Variants in PIK3CA observed in about 807,000 individuals in gnomAD.
The protein encoded by PIK3CA is phosphatidylinositol-4,5-bisphosphate 3-kinase catalytic subunit alpha.
Under a neutral mutation model 138.2 loss-of-function variants are expected in PIK3CA, and 27 were observed. The ratio of observed to expected loss-of-function variants is 0.20; its 90% CI spans 0.14 to 0.27. The LOEUF is 0.27. PIK3CA is among the 10% of genes least tolerant of loss of function. The probability of loss-of-function intolerance (pLI) is 1.00; values close to 1 mark genes in which losing one functional copy is unlikely to be tolerated. For synonymous variants in PIK3CA, 358 were observed against 413.2 expected, an observed-to-expected ratio of 0.87 and a Z score of 1.62; for missense variants, 544 against 1,277.4, an observed-to-expected ratio of 0.43 and a Z score of 8.75.
chr3:179,190,998 G>A (rs1481085223), intron 1 of PIK3CA, among the ~76,000 whole-genome samples: 1 of 152,190 alleles, frequency 6.6e-6, no homozygotes, highest in African/African-American at 2.4e-5. Context: ...TATGGGCCTG[G>A]TGTCTTGGGT....
At chr3:179,188,003 A>T (rs1724036522) in intron 1 of PIK3CA, among the ~76,000 whole-genome samples, 1 of 152,184 alleles carries the variant, frequency 6.6e-6, no homozygotes, top group Non-Finnish European at 1.5e-5. Context: ...GCAAATAAGG[A>T]AACTGCCTTC....
In PIK3CA at chr3:179,199,036, G is replaced by T. The variant is rs201269904; in HGVS notation, c.211G>T (p.Val71Leu). ...LLQDESSYIF[V>L]SVTQEAEREE... ...TCAAGATGAATCTTCTTACATTTTCGTAAGTGTTACTCAAGAAGCAGAAAG... is the reference window on the plus strand; with the variant it reads ...TCAAGATGAATCTTCTTACATTTTCTTAAGTGTTACTCAAGAAGCAGAAAG... The change falls in exon 2 of 21, where the codon GTA (valine) becomes TTA (leucine). Residue 71 changes from valine to leucine, a missense_variant. Coordinates refer to ENST00000263967, the MANE Select transcript of PIK3CA (RefSeq NM_006218.4). The T allele has an allele frequency of 1.9e-6, 3 of 1,613,448 alleles. No individual in the cohort carries two copies. The African/African-American group carries it at 4.0e-5, about 22-fold the overall frequency.
Position 179,224,143 on chromosome 3 carries a change from C to T in PIK3CA, c.2250C>T (p.Gly750=), listed in dbSNP as rs1315150807. 1.9e-6 allele frequency: 3 copies of T among 1,601,382 alleles called. No homozygotes were observed. Among genetic ancestry groups the T allele is most frequent in the Non-Finnish European group, 2.6e-6 (3 of 1,171,150 alleles). The change falls in exon 15 of 21, where the codon GGC becomes GGT. Residue 750 remains glycine, a synonymous_variant. Transcript: ENST00000263967. Reference sequence around the variant, plus strand: ...CAGATTTCATGGATGCTCTACAGGGCTTTCTGTCTCCTCTAAACCCTGCTC... The same window carrying T: ...CAGATTTCATGGATGCTCTACAGGGTTTTCTGTCTCCTCTAAACCCTGCTC... ...RRPDFMDALQ[G]FLSPLNPAHQ... is the part of the protein sequence containing the mutation.
At chr3:179,198,073 G>A (rs1724313160) in intron 1 of PIK3CA, among the ~76,000 whole-genome samples, 1 of 151,996 alleles carries the variant, frequency 6.6e-6, no homozygotes, top group Admixed American at 6.6e-5. Flanking sequence ...CATACTTCAA[G>A]GAAAATTCAT....
chr3:179,187,236 C>G (rs976195318), intron 1 of PIK3CA, among the ~76,000 whole-genome samples: 2 of 151,748 alleles, frequency 1.3e-5, no homozygotes, highest in African/African-American at 4.8e-5. Flanking sequence ...AACATTGATC[C>G]AGTAGATAAG....
chr3:179,206,760 C>G (rs1724571636), intron 6 of PIK3CA, among the ~76,000 whole-genome samples: 1 of 151,766 alleles, frequency 6.6e-6, no homozygotes, highest in Admixed American at 6.6e-5. Flanking sequence ...ACCAAAAATA[C>G]AAAAAATTAG....
At position 179,219,881 on chromosome 3, in the gene PIK3CA, C is replaced by T. The variant is rs1363090613; in HGVS notation, c.1912-68C>T. ...ATTACCAGTAATATCCACTTTCTTT[C>T]TGAAAAAATTTTCTTTAGATCGGCC... is the stretch of plus-strand genomic sequence containing the variant. On this transcript the variant is annotated intron_variant, in intron 12 of 20. Coordinates refer to ENST00000263967, the MANE Select transcript of PIK3CA (RefSeq NM_006218.4). The surrounding 1 kb of genome is among the most constrained non-coding windows in gnomAD (Gnocchi z 4.2). 14 of 1,582,078 alleles carry T rather than the reference C, an allele frequency of 8.8e-6. No individual in the cohort carries two copies. The highest frequency in any genetic ancestry group is 1.2e-5 in the Non-Finnish European group (14 of 1,169,434).
intron 1 of PIK3CA, among the ~76,000 whole-genome samples, chr3:179,150,015 G>GT (rs113847531): frequency 1.3e-3 from 189 of 145,738 alleles, no homozygotes; most frequent in Admixed American, 3.0e-3. Flanking sequence ...AGTTTTTGGT[G>GT]TTTTTTTTTT....
intron 6 of PIK3CA, among the ~76,000 whole-genome samples, chr3:179,206,871 A>T (rs1420189572): frequency 2.0e-5 from 3 of 151,318 alleles, no homozygotes; most frequent in Non-Finnish European, 4.4e-5. Context: ...GTGAGCCATG[A>T]TCGTACTACT....
rs1725286492 is a variant in PIK3CA, at chr3:179,234,397, G to A, written c.*33G>A. ...ACTGAGAAAATGAAAGCTCACTCTG[G>A]ATTCCACACTGCACTGTTAATAACT... On this transcript the variant is annotated 3_prime_UTR_variant, in exon 21 of 21. Transcript: ENST00000263967. The surrounding 1 kb of genome is among the most constrained non-coding windows in gnomAD (Gnocchi z 5.1). The A allele has an allele frequency of 1.9e-6, 3 of 1,566,430 alleles. No homozygotes were observed. The East Asian group carries it at 6.8e-5, about 35-fold the overall frequency.
chr3:179,200,396 G>A (rs1724380686), intron 3 of PIK3CA, among the ~76,000 whole-genome samples: 2 of 152,032 alleles, frequency 1.3e-5, no homozygotes, highest in South Asian at 4.2e-4. Flanking sequence ...CTAGAATTAA[G>A]GGAACAAGAA....
intron 9 of PIK3CA, among the ~76,000 whole-genome samples, chr3:179,212,773 T>C (rs1014643267): frequency 6.6e-6 from 1 of 152,148 alleles, no homozygotes; most frequent in Non-Finnish European, 1.5e-5. Context: ...TATCAGTAAA[T>C]ACAGTACAGT....
intron 14 of PIK3CA, among the ~76,000 whole-genome samples, chr3:179,223,713 A>G (rs757228429): frequency 6.6e-6 from 1 of 152,176 alleles, no homozygotes; most frequent in Admixed American, 6.6e-5. Flanking sequence ...CAACTCTGCT[A>G]TTCTCGTAAA....
intron 1 of PIK3CA, among the ~76,000 whole-genome samples, chr3:179,192,771 T>C (rs1433538507): frequency 6.6e-6 from 1 of 152,238 alleles, no homozygotes; most frequent in Non-Finnish European, 1.5e-5. Context: ...AAGCAAGTGG[T>C]GAGTTGGATT....
intron 1 of PIK3CA, among the ~76,000 whole-genome samples, chr3:179,169,584 A>G (rs564719847): frequency 6.6e-5 from 10 of 152,266 alleles, no homozygotes; most frequent in Admixed American, 5.2e-4. Flanking sequence ...GTCCTAATTA[A>G]GGTTCTGGGG....
rs1724945623 is a variant in PIK3CA at position 179,220,700 on chromosome 3, C to T, written c.2016-286C>T. ...CTCTTCATTTGATTATTTTTGTGCT[C>T]AATTTCCTTTTTTCATGTTTTTATA... On this transcript the variant is annotated intron_variant, in intron 13 of 20. Transcript: ENST00000263967. This position sits in a 1 kb window ranked among gnomAD's most constrained non-coding sequence, Gnocchi z 4.1. Among the ~76,000 whole-genome samples the T allele has an allele frequency of 6.6e-6, 1 of 152,078 alleles. No homozygotes were observed. The highest frequency in any genetic ancestry group is 2.1e-4 in the South Asian group (1 of 4,824).
At chr3:179,187,601 A>T (rs575601625) in intron 1 of PIK3CA, among the ~76,000 whole-genome samples, 1 of 150,788 alleles carries the variant, frequency 6.6e-6, no homozygotes, top group African/African-American at 2.4e-5. Context: ...TCCAAGCACT[A>T]TGCTGAGAAC....
chr3:179,150,501 T>C (rs1363088673), intron 1 of PIK3CA, among the ~76,000 whole-genome samples: 1 of 152,128 alleles, frequency 6.6e-6, no homozygotes, highest in Non-Finnish European at 1.5e-5. Flanking sequence ...TATTTAAGGT[T>C]AAAAAAATTT....
At chr3:179,182,359 G>A (rs1723868619) in intron 1 of PIK3CA, among the ~76,000 whole-genome samples, 1 of 152,122 alleles carries the variant, frequency 6.6e-6, no homozygotes, top group Admixed American at 6.6e-5. Flanking sequence ...GTCATACAGA[G>A]CATCAGTGAA....
Sources: allele counts gnomAD v4.1 joint callset (sites outside exome capture counted in the v4.1 genomes callset), GRCh38; gene constraint gnomAD v4.1.1; non-coding constraint Gnocchi (gnomAD v3.1); transcripts MANE v1.5; gene names NCBI Gene and HGNC (gene_info 2026-07-23, HGNC 2026-07-21).